The following CDH8 variants were observed in gnomAD, a reference collection of about 807,000 sequenced individuals.
The protein encoded by CDH8 is cadherin 8, also known as cadherin-8.
CDH8 carries 17 observed loss-of-function variants against 68.1 expected under a neutral mutation model. The ratio of observed to expected loss-of-function variants is 0.25; its 90% CI spans 0.17 to 0.37. CDH8 has a LOEUF of 0.37. Among genes scored for constraint, CDH8 ranks in the 10% least tolerant of loss-of-function variants. CDH8 has a pLI of 1.00. For missense variants in CDH8, 763 were observed against 999.3 expected (o/e 0.76, Z 3.19); for synonymous variants, 372 against 365.1 (o/e 1.02, Z -0.21).
At position 61,727,129 on chromosome 16, in the gene CDH8, C is replaced by T. The variant is rs747555647; in HGVS notation, c.1501G>A (p.Glu501Lys). ...DNAPEFASEYEAFLCENGKPG... is the reference protein window; with the variant it reads ...DNAPEFASEYKAFLCENGKPG... Reference sequence around the variant, plus strand: ...TTTCCATTTTCACATAAAAATGCCTCATATTCGGATGCGAATTCAGGGGCG... The same window carrying T: ...TTTCCATTTTCACATAAAAATGCCTTATATTCGGATGCGAATTCAGGGGCG... Residue 501 changes from glutamate to lysine, a missense_variant, in exon 9 of 12, where the codon GAG becomes AAG. Glu to Lys is a moderately conservative substitution (Grantham distance 56). Coordinates refer to ENST00000577390, the MANE Select transcript of CDH8 (RefSeq NM_001796.5). 2 of 1,610,776 alleles carry T rather than the reference C, an allele frequency of 1.2e-6. No individual in the cohort carries two copies. The highest frequency in any genetic ancestry group is 3.4e-5 in the Admixed American group (2 of 59,672).
intron 2 of CDH8, among the ~76,000 whole-genome samples, 155 bp from the exon 3 acceptor site, chr16:61,901,628 T>A (rs1467364437): frequency 6.6e-6 from 1 of 152,178 alleles, no homozygotes; most frequent in Non-Finnish European, 1.5e-5. Flanking sequence ...TGTGCGGATA[T>A]CAATTAAGAA....
chr16:61,900,619 G>C (rs908420311), intron 3 of CDH8, among the ~76,000 whole-genome samples: 1 of 152,130 alleles, frequency 6.6e-6, no homozygotes, highest in African/African-American at 2.4e-5. Flanking sequence ...AAAATTGAGA[G>C]TGGGTCAATG....
chr16:61,814,174 C>A (rs1962021576), intron 7 of CDH8, among the ~76,000 whole-genome samples: 1 of 152,184 alleles, frequency 6.6e-6, no homozygotes, highest in South Asian at 2.1e-4. Flanking sequence ...AAAACTGAAT[C>A]TCAGAGAATT....
At chr16:62,010,491 C>T (rs1901780562) in intron 2 of CDH8, among the ~76,000 whole-genome samples, 1 of 152,196 alleles carries the variant, frequency 6.6e-6, no homozygotes, top group Non-Finnish European at 1.5e-5. Context: ...TGACTATTCC[C>T]TTCAGTGACT....
intron 2 of CDH8, among the ~76,000 whole-genome samples, chr16:61,907,780 C>G (rs1331798587): frequency 6.6e-6 from 1 of 152,110 alleles, no homozygotes; most frequent in African/African-American, 2.4e-5. Context: ...CACGGTGGCT[C>G]ACGCCTGTAA....
intron 10 of CDH8, among the ~76,000 whole-genome samples, chr16:61,678,882 T>C (rs1330967161): frequency 6.6e-6 from 1 of 152,058 alleles, no homozygotes; most frequent in Non-Finnish European, 1.5e-5. Flanking sequence ...AGCTGTGACT[T>C]ACAAACTGAT....
At chr16:61,668,940 T>C (rs754048709) in intron 10 of CDH8, among the ~76,000 whole-genome samples, 37 of 152,076 alleles carry the variant, frequency 2.4e-4, no homozygotes, top group Non-Finnish European at 5.0e-4. Context: ...AAGAGTAAAA[T>C]TGTTTTAAAG....
chr16:61,784,562 G>A (rs968203845), intron 8 of CDH8, among the ~76,000 whole-genome samples: 1 of 140,324 alleles, frequency 7.1e-6, no homozygotes, highest in Non-Finnish European at 1.5e-5. Flanking sequence ...CCCAGGAATT[G>A]AACTCAGCTC....
At chr16:61,679,613 G>A (rs561721406) in intron 10 of CDH8, among the ~76,000 whole-genome samples, 10 of 152,014 alleles carry the variant, frequency 6.6e-5, no homozygotes, top group African/African-American at 2.4e-4. Context: ...AATGATCAAT[G>A]TTTATTTAAA....
intron 7 of CDH8, among the ~76,000 whole-genome samples, chr16:61,791,712 A>C (rs1214931204): frequency 6.6e-6 from 1 of 152,036 alleles, no homozygotes; most frequent in Non-Finnish European, 1.5e-5. Context: ...ATTGCCTAGA[A>C]TTTCTAGCCC....
chr16:61,982,441 C>T (rs746195466), intron 2 of CDH8, among the ~76,000 whole-genome samples: 2 of 152,056 alleles, frequency 1.3e-5, no homozygotes, highest in Non-Finnish European at 2.9e-5. Flanking sequence ...GGATGGTCTC[C>T]ATCTCCTGAC....
intron 8 of CDH8, among the ~76,000 whole-genome samples, chr16:61,736,098 G>GGAAAGAAAGAAAGAAAGAAAGAAAGAAA (rs1260262826): frequency 1.5e-4 from 15 of 99,474 alleles, no homozygotes; most frequent in African/African-American, 4.8e-4. Context: ...CAAGAAAGAA[G>GGAAAGAAAGAAAGAAAGAAAGAAAGAAA]GAAAGAAAGA....
chr16:61,787,259 C>A (rs1048689809), intron 8 of CDH8, among the ~76,000 whole-genome samples: 3 of 148,666 alleles, frequency 2.0e-5, no homozygotes, highest in East Asian at 4.1e-4. Context: ...AAACAAACAA[C>A]CCCATCAAAA....
At chr16:61,686,049 T>C (rs1964099371) in intron 10 of CDH8, among the ~76,000 whole-genome samples, 1 of 152,010 alleles carries the variant, frequency 6.6e-6, no homozygotes. Flanking sequence ...ACATTGGTTA[T>C]CTAATTTAAG....
At chr16:61,763,910 A>G (rs1403550759) in intron 8 of CDH8, among the ~76,000 whole-genome samples, 1 of 152,172 alleles carries the variant, frequency 6.6e-6, no homozygotes, top group Non-Finnish European at 1.5e-5. Flanking sequence ...GGAGCAAGGC[A>G]TACATTCATT....
At chr16:61,684,596 T>C (rs1964073078) in intron 10 of CDH8, among the ~76,000 whole-genome samples, 1 of 152,008 alleles carries the variant, frequency 6.6e-6, no homozygotes, top group East Asian at 1.9e-4. Flanking sequence ...TAACACCAAC[T>C]AGACACATAA....
chr16:61,843,426 A>T (rs2143009046), intron 4 of CDH8, among the ~76,000 whole-genome samples: 1 of 152,318 alleles, frequency 6.6e-6, no homozygotes, highest in East Asian at 1.9e-4. Context: ...AGGAGCTATG[A>T]TCATTCATCC....
At chr16:61,899,220 C>T (rs1237871290) in intron 3 of CDH8, among the ~76,000 whole-genome samples, 2 of 152,110 alleles carry the variant, frequency 1.3e-5, no homozygotes, top group Admixed American at 1.3e-4. Flanking sequence ...TGAGTGAGAA[C>T]ATACAGTGTT....
At chr16:61,914,436 T>A (rs998210212) in intron 2 of CDH8, among the ~76,000 whole-genome samples, 3 of 152,180 alleles carry the variant, frequency 2.0e-5, no homozygotes, top group African/African-American at 7.2e-5. Flanking sequence ...CTTGTAAATA[T>A]GTGCTTTACC....
Sources: gnomAD v4.1 joint callset for allele counts (sites outside exome capture counted in the v4.1 genomes callset) on GRCh38, gnomAD v4.1.1 for gene constraint, MANE v1.5 for transcripts, NCBI Gene and HGNC (gene_info 2026-07-23, HGNC 2026-07-21) for gene names.